The following MED27 variants were observed in gnomAD, a reference collection of about 807,000 sequenced individuals.
MED27 encodes mediator complex subunit 27.
In MED27, 30 loss-of-function variants were observed where a neutral mutation model predicts 38.2. The observed-to-expected ratio is 0.79, with a 90% CI of 0.59 to 1.07. MED27 has a LOEUF of 1.07. Among genes scored for constraint, MED27 ranks in the 50% least tolerant of loss-of-function variants. MED27 has a pLI of 0.00. For synonymous variants in MED27, 122 were observed against 153.5 expected (o/e 0.79, Z 1.52); for missense variants, 289 against 397.5 (o/e 0.73, Z 2.32).
intron 3 of MED27, among the ~76,000 whole-genome samples, chr9:131,952,068 T>G (rs1589230319): frequency 1.3e-5 from 2 of 152,204 alleles, no homozygotes; most frequent in African/African-American, 4.8e-5. Context: ...GAGCTTTCGT[T>G]TGTCCCTCTG....
At position 131,915,419 on chromosome 9, in the gene MED27, G is replaced by T. The variant is rs561212678; in HGVS notation, c.574-21427C>A. Among the ~76,000 whole-genome samples, 19 of 152,252 alleles carry T rather than the reference G, an allele frequency of 1.2e-4. No homozygotes were observed. In the East Asian group the frequency reaches 3.7e-3, roughly 29 times the overall value. ...TGATCAATAATGAGTCACCTTAAAA[G>T]CAGACACAAGAACTGTCACCATGGA... On this transcript the variant is annotated intron_variant, in intron 4 of 7. Transcript: ENST00000292035.
chr9:131,902,196 GCTT>G (rs1248862218), intron 4 of MED27, among the ~76,000 whole-genome samples: 1 of 152,018 alleles, frequency 6.6e-6, no homozygotes, highest in African/African-American at 2.4e-5. Context: ...TAAACTACTT[GCTT>G]CTTCTACTTG....
chr9:132,021,503 G>C (rs977234611), intron 2 of MED27, among the ~76,000 whole-genome samples: 1 of 152,210 alleles, frequency 6.6e-6, no homozygotes, highest in African/African-American at 2.4e-5. Context: ...AGACAGACGA[G>C]GGTATATAAA....
chr9:131,997,498 G>A lies in MED27; in HGVS notation c.479+16839C>T, dbSNP rs142057441. On this transcript the variant is annotated intron_variant, in intron 3 of 7. Coordinates refer to ENST00000292035, the MANE Select transcript of MED27 (RefSeq NM_004269.4). This position sits in a 1 kb window ranked among gnomAD's most constrained non-coding sequence, Gnocchi z 4.0. The stretch of plus-strand genomic sequence containing the variant: ...GGACAAGGCAGGTAACCCTGCTGCA[G>A]AGATCCCCTGGGTTGACCGAGGCGT... Among the ~76,000 whole-genome samples, 29 of 152,362 alleles carry A rather than the reference G, an allele frequency of 1.9e-4. No individual in the cohort carries two copies. The Middle Eastern group carries it at 0.01, about 54-fold the overall frequency.
intron 4 of MED27, among the ~76,000 whole-genome samples, chr9:131,908,319 G>A (rs1411835867): frequency 2.0e-5 from 3 of 151,960 alleles, no homozygotes; most frequent in African/African-American, 4.8e-5. Flanking sequence ...CTGCCCGGCC[G>A]CCCATACTGG....
chr9:131,974,986 G>A (rs1831573094), intron 3 of MED27, among the ~76,000 whole-genome samples: 2 of 152,248 alleles, frequency 1.3e-5, no homozygotes, highest in South Asian at 2.1e-4. Context: ...TGGAACCTAA[G>A]TGATTCTCTA....
intron 2 of MED27, among the ~76,000 whole-genome samples, chr9:132,060,809 C>T (rs929265399): frequency 8.5e-5 from 13 of 152,102 alleles, no homozygotes; most frequent in African/African-American, 2.9e-4. Flanking sequence ...ATTAGCCAGG[C>T]ATGGTGGCAG....
intron 2 of MED27, among the ~76,000 whole-genome samples, chr9:132,021,347 A>G (rs1351252180): frequency 1.3e-5 from 2 of 152,234 alleles, no homozygotes; most frequent in African/African-American, 4.8e-5. Context: ...AGAATGACTC[A>G]CATATCTGAA....
In MED27 at chr9:131,997,536, A is replaced by G. The variant is rs780574473; in HGVS notation, c.479+16801T>C. ...TTGACCGAGGCGTTGCCAGCCCTGC[A>G]CTGTAGGCTGCCATCTCCCCCAGCA... On this transcript the variant is annotated intron_variant, in intron 3 of 7. Coordinates refer to ENST00000292035, the MANE Select transcript of MED27 (RefSeq NM_004269.4). This position sits in a 1 kb window ranked among gnomAD's most constrained non-coding sequence, Gnocchi z 4.0. 1.3e-5 allele frequency among the ~76,000 whole-genome samples: 2 copies of G among 152,206 alleles called. No individual in the cohort carries two copies. The highest frequency in any genetic ancestry group is 4.8e-5 in the African/African-American group (2 of 41,448).
intron 2 of MED27, among the ~76,000 whole-genome samples, chr9:132,030,854 C>T (rs527239807): frequency 6.6e-6 from 1 of 152,284 alleles, no homozygotes; most frequent in South Asian, 2.1e-4. Context: ...ACAGTATGAG[C>T]CTACAAGGAC....
intron 2 of MED27, among the ~76,000 whole-genome samples, chr9:132,028,507 A>AT (rs1369605794): frequency 2.7e-5 from 4 of 148,316 alleles, no homozygotes; most frequent in South Asian, 2.1e-4. Flanking sequence ...GAACAAATAA[A>AT]TTAAAAAAAA....
intron 3 of MED27, among the ~76,000 whole-genome samples, chr9:131,965,136 T>C (rs1201602844): frequency 6.6e-6 from 1 of 152,244 alleles, no homozygotes; most frequent in Non-Finnish European, 1.5e-5. Context: ...CTCTCCCTCA[T>C]TCCCAAATGG....
At chr9:132,002,495 T>C (rs750656952) in intron 3 of MED27, among the ~76,000 whole-genome samples, 2 of 152,174 alleles carry the variant, frequency 1.3e-5, no homozygotes, top group African/African-American at 4.8e-5. Flanking sequence ...TGGTGCAATC[T>C]TCAACACAGG....
chr9:131,951,177 G>A (rs551754372), intron 3 of MED27, among the ~76,000 whole-genome samples: 2 of 152,268 alleles, frequency 1.3e-5, no homozygotes, highest in South Asian at 2.1e-4. Context: ...AATTGCTTTC[G>A]GGTGTCTACT....
chr9:131,938,452 C>G (rs548770882), intron 4 of MED27, among the ~76,000 whole-genome samples: 1 of 152,278 alleles, frequency 6.6e-6, no homozygotes, highest in African/African-American at 2.4e-5. Context: ...TTACACAGAC[C>G]ACTAGAAAAG....
At chr9:132,052,219 G>A (rs1467325262) in intron 2 of MED27, among the ~76,000 whole-genome samples, 1 of 152,156 alleles carries the variant, frequency 6.6e-6, no homozygotes. Context: ...TCCTTTAAGA[G>A]GGGTCAGTTA....
intron 2 of MED27, 62 bp from the exon 3 acceptor site, chr9:132,014,529 G>T: frequency 2.0e-6 from 3 of 1,532,508 alleles, no homozygotes; most frequent in South Asian, 1.2e-5. Flanking sequence ...TAGGACAAAT[G>T]GTATTAAACT....
chr9:131,869,224 G>C (rs1838786635), intron 6 of MED27: 1 of 985,268 alleles, frequency 1.0e-6, no homozygotes, highest in Non-Finnish European at 1.2e-6. Context: ...TCCACTGCTG[G>C]TTTTGGAATT....
chr9:132,061,262 T>A (rs1242503994), intron 2 of MED27, among the ~76,000 whole-genome samples: 2 of 152,214 alleles, frequency 1.3e-5, no homozygotes, highest in African/African-American at 4.8e-5. Flanking sequence ...TCACAGCACA[T>A]GCCTGCAGGC....
Sources: allele counts gnomAD v4.1 joint callset (sites outside exome capture counted in the v4.1 genomes callset), GRCh38; gene constraint gnomAD v4.1.1; non-coding constraint Gnocchi (gnomAD v3.1); transcripts MANE v1.5; gene names NCBI Gene and HGNC (gene_info 2026-07-23, HGNC 2026-07-21).